The following ASIC2 variants were observed in gnomAD, a reference collection of about 807,000 sequenced individuals.
The protein encoded by ASIC2 is acid-sensing ion channel 2.
Under a neutral mutation model 57.3 loss-of-function variants are expected in ASIC2, and 25 were observed. That is an observed-to-expected ratio of 0.44 (90% CI 0.32 to 0.61). The LOEUF is 0.61. Ranked by LOEUF, ASIC2 falls within the 20% of genes least tolerant of loss-of-function variation. ASIC2 has a pLI of 0.06. For missense variants in ASIC2, 641 were observed against 738.1 expected (o/e 0.87, Z 1.52); for synonymous variants, 319 against 307.5 (o/e 1.04, Z -0.39).
chr17:34,066,386 G>C (rs912031254), intron 1 of ASIC2, among the ~76,000 whole-genome samples: 1 of 152,130 alleles, frequency 6.6e-6, no homozygotes, highest in Non-Finnish European at 1.5e-5. Context: ...TGGGCCTCAT[G>C]CCAGACTGAT....
At chr17:33,360,000 A>G (rs1197767027) in intron 1 of ASIC2, among the ~76,000 whole-genome samples, 2 of 152,178 alleles carry the variant, frequency 1.3e-5, no homozygotes, top group African/African-American at 4.8e-5. Context: ...TTTCTGTTAC[A>G]TAAAGCTGAA....
chr17:33,794,956 G>T (rs988390814), intron 1 of ASIC2, among the ~76,000 whole-genome samples: 18 of 152,116 alleles, frequency 1.2e-4, no homozygotes, highest in African/African-American at 4.8e-5. Context: ...CCCCTTATCT[G>T]TAAGATAAGA....
chr17:33,043,152 C>G (rs567411167), intron 3 of ASIC2, among the ~76,000 whole-genome samples: 33 of 152,296 alleles, frequency 2.2e-4, no homozygotes, highest in African/African-American at 7.9e-4. Flanking sequence ...GCCTCGATCT[C>G]CTGACCTTGT....
chr17:34,037,952 T>C (rs960428147), intron 1 of ASIC2: 5 of 1,613,612 alleles, frequency 3.1e-6, no homozygotes, highest in Non-Finnish European at 4.2e-6. Flanking sequence ...CGACCACACA[T>C]CAACTTTATT....
chr17:33,058,447 G>A (rs1215105014), intron 3 of ASIC2, among the ~76,000 whole-genome samples: 1 of 109,878 alleles, frequency 9.1e-6, no homozygotes, highest in Non-Finnish European at 1.7e-5. Context: ...TTCTACCACT[G>A]TTTTTTCTCC....
chr17:33,876,586 C>T (rs904361494), intron 1 of ASIC2, among the ~76,000 whole-genome samples: 9 of 152,164 alleles, frequency 5.9e-5, no homozygotes, highest in Non-Finnish European at 4.4e-5. Context: ...TAATTACTGT[C>T]CTCATTTTAT....
At chr17:33,352,433 G>T (rs1385987104) in intron 1 of ASIC2, among the ~76,000 whole-genome samples, 1 of 152,110 alleles carries the variant, frequency 6.6e-6, no homozygotes, top group Non-Finnish European at 1.5e-5. Flanking sequence ...CCTTGTGCTT[G>T]CACCTCTTAC....
intron 1 of ASIC2, among the ~76,000 whole-genome samples, chr17:33,819,583 C>T (rs545175451): frequency 6.6e-6 from 1 of 152,310 alleles, no homozygotes; most frequent in Admixed American, 6.5e-5. Context: ...ATAACAATGA[C>T]AGGTGGAGCT....
At chr17:33,369,639 A>G (rs1338413101) in intron 1 of ASIC2, among the ~76,000 whole-genome samples, 1 of 152,194 alleles carries the variant, frequency 6.6e-6, no homozygotes, top group African/African-American at 2.4e-5. Flanking sequence ...CAAGGTAGGA[A>G]TGATTACCCC....
chr17:34,124,273 T>C (rs2142121782), intron 1 of ASIC2, among the ~76,000 whole-genome samples: 1 of 152,250 alleles, frequency 6.6e-6, no homozygotes, highest in African/African-American at 2.4e-5. Flanking sequence ...TCACTTACTA[T>C]TACTATCATA....
At chr17:33,800,593 C>T (rs1469012233) in intron 1 of ASIC2, among the ~76,000 whole-genome samples, 1 of 152,130 alleles carries the variant, frequency 6.6e-6, no homozygotes, top group Non-Finnish European at 1.5e-5. Flanking sequence ...AGTTGTTAAA[C>T]ATGTAAATTC....
intron 1 of ASIC2, among the ~76,000 whole-genome samples, chr17:34,131,285 T>A (rs1399943774): frequency 1.3e-5 from 2 of 149,820 alleles, no homozygotes; most frequent in Non-Finnish European, 3.0e-5. Flanking sequence ...CATTTGGTCA[T>A]GGGAATAATG....
intron 1 of ASIC2, among the ~76,000 whole-genome samples, chr17:33,659,220 G>A (rs575463263): frequency 3.0e-4 from 46 of 152,180 alleles, no homozygotes; most frequent in Non-Finnish European, 6.3e-4. Context: ...GTTCCTTGAA[G>A]CATATCATTA....
At chr17:33,821,415 T>G (rs1049822611) in intron 1 of ASIC2, among the ~76,000 whole-genome samples, 2 of 152,126 alleles carry the variant, frequency 1.3e-5, no homozygotes, top group African/African-American at 4.8e-5. Context: ...GCACACCTCT[T>G]GGCCCTTTAA....
chr17:33,386,288 A>G (rs760858160), intron 1 of ASIC2, among the ~76,000 whole-genome samples: 4 of 152,164 alleles, frequency 2.6e-5, no homozygotes, highest in South Asian at 2.1e-4. Context: ...TTGCTTCTCC[A>G]TGTGACTGTC....
rs1256831339 is a variant in ASIC2, at chr17:33,225,428, T to C, written c.708+65980A>G. The stretch of plus-strand genomic sequence containing the variant: ...CACAGGGTTATTGCAAGGATTAGTA[T>C]GTGTAAAGTGCTTAGAACAGTACCT... On this transcript the variant is annotated intron_variant, in intron 1 of 9. Coordinates refer to ENST00000225823, the MANE Select transcript of ASIC2 (RefSeq NM_183377.2). Among the ~76,000 whole-genome samples, 8 of 152,352 alleles carry C rather than the reference T, an allele frequency of 5.3e-5. No individual in the cohort carries two copies. The East Asian group carries it at 1.5e-3, about 29-fold the overall frequency.
chr17:34,055,903 T>G (rs1017710194), intron 1 of ASIC2, among the ~76,000 whole-genome samples: 5 of 152,146 alleles, frequency 3.3e-5, no homozygotes, highest in Non-Finnish European at 7.4e-5. Flanking sequence ...TAGAATTAAT[T>G]TACACGTTTT....
At chr17:33,912,239 A>C (rs1284479374) in intron 1 of ASIC2, among the ~76,000 whole-genome samples, 1 of 151,068 alleles carries the variant, frequency 6.6e-6, no homozygotes, top group Admixed American at 6.6e-5. Flanking sequence ...CACGCCTGTA[A>C]TCCCGGCGCA....
At chr17:33,190,604 C>T (rs886802090) in intron 1 of ASIC2, among the ~76,000 whole-genome samples, 2 of 152,226 alleles carry the variant, frequency 1.3e-5, no homozygotes, top group Non-Finnish European at 1.5e-5. Context: ...ACAATGTTGA[C>T]GGACTTACAC....
Sources: gnomAD v4.1 joint callset for allele counts (sites outside exome capture counted in the v4.1 genomes callset) on GRCh38, gnomAD v4.1.1 for gene constraint, MANE v1.5 for transcripts, NCBI Gene and HGNC (gene_info 2026-07-23, HGNC 2026-07-21) for gene names.